The following ZNF813 variants were observed in gnomAD, a reference collection of about 807,000 sequenced individuals.
ZNF813 encodes the protein zinc finger protein 813.
Under a neutral mutation model 7.2 loss-of-function variants are expected in ZNF813, and 3 were observed. The ratio of observed to expected loss-of-function variants is 0.42; its 90% CI spans 0.19 to 1.08. The LOEUF (loss-of-function observed/expected upper bound fraction) is 1.08, where lower values mean the gene tolerates loss of function less well. ZNF813 is among the 50% of genes least tolerant of loss of function. The pLI is 0.30. For synonymous variants in ZNF813, 227 were observed against 256.3 expected (o/e 0.89, Z 1.09); for missense variants, 714 against 753.3 (o/e 0.95, Z 0.61).
chr19:53,468,802 T>G (rs2086341324), intron 1 of ZNF813, among the ~76,000 whole-genome samples: 3 of 150,026 alleles, frequency 2.0e-5, no homozygotes, highest in Admixed American at 6.6e-5. Flanking sequence ...GCTTTACACC[T>G]AGACATTCCA....
chr19:53,483,817 T>C lies in ZNF813; in HGVS notation c.-6T>C, dbSNP rs745842296. 2.5e-6 allele frequency: 4 copies of C among 1,613,146 alleles called. No homozygotes were observed. Among genetic ancestry groups the C allele is most frequent in the Middle Eastern group, 3.3e-4 (2 of 6,060 alleles). ...GAAGAGGAAGAGGAAAGCAAAGGAG[T>C]CAGGGATGGCTCTTCCTCAGGTGAG... is the stretch of plus-strand genomic sequence containing the variant. On this transcript the variant is annotated 5_prime_UTR_variant, in exon 2 of 4. Transcript: ENST00000396403.
chr19:53,472,916 T>TA (rs1322911147), intron 1 of ZNF813, among the ~76,000 whole-genome samples: 1 of 152,150 alleles, frequency 6.6e-6, no homozygotes, highest in Non-Finnish European at 1.5e-5. Context: ...CTGGCCTTTA[T>TA]AAGTACAAGT....
Position 53,495,838 on chromosome 19 carries a change from T to C in ZNF813, c.*3752T>C, listed in dbSNP as rs144172775. The C allele has an allele frequency of 1.2e-5, 2 of 172,480 alleles. No individual in the cohort carries two copies. Among genetic ancestry groups the C allele is most frequent in the Non-Finnish European group, 2.5e-5 (2 of 78,624 alleles). 10.7% of individuals were successfully genotyped at this position (172,480 alleles called of 1,614,324 possible). The stretch of plus-strand genomic sequence containing the variant: ...AAAATAAAATATGTCAAGCCCCTTC[T>C]CTTCCTGTCTCCTCTCGTGGTGTGT... On this transcript the variant is annotated 3_prime_UTR_variant, in exon 4 of 4. Transcript: ENST00000396403.
chr19:53,481,015 T>C (rs2086405709), intron 1 of ZNF813, among the ~76,000 whole-genome samples: 1 of 152,084 alleles, frequency 6.6e-6, no homozygotes, highest in African/African-American at 2.4e-5. Context: ...AAGCAGGTGG[T>C]GAGGATGTGG....
intron 2 of ZNF813, among the ~76,000 whole-genome samples, chr19:53,484,779 T>C (rs970918659): frequency 2.1e-4 from 32 of 152,234 alleles, no homozygotes; most frequent in Non-Finnish European, 4.4e-5. Flanking sequence ...TTGGCCAGGC[T>C]GGTCTCAAAC....
chr19:53,485,712 ATTTTC>A (rs1190486558), intron 2 of ZNF813, among the ~76,000 whole-genome samples: 1 of 151,878 alleles, frequency 6.6e-6, no homozygotes, highest in Non-Finnish European at 1.5e-5. Context: ...GTTTTCATGT[ATTTTC>A]TTTTATTTTA....
intron 1 of ZNF813, among the ~76,000 whole-genome samples, chr19:53,476,947 C>G (rs1353376643): frequency 6.6e-6 from 1 of 152,238 alleles, no homozygotes; most frequent in South Asian, 2.1e-4. Flanking sequence ...CAGGCATAAG[C>G]CACCGCGCCT....
In ZNF813 at chr19:53,474,579, C is replaced by A. The variant is rs150301273; in HGVS notation, c.-74+6790C>A. Reference sequence around the variant, plus strand: ...TGGCAGGTGCCTGTAATACCAGCTACTGGGGAGGCTGAGGCAGAAGAAACA... The same window carrying A: ...TGGCAGGTGCCTGTAATACCAGCTAATGGGGAGGCTGAGGCAGAAGAAACA... On this transcript the variant is annotated intron_variant, in intron 1 of 3. Coordinates refer to ENST00000396403, the MANE Select transcript of ZNF813 (RefSeq NM_001004301.4). 4.6e-3 allele frequency among the ~76,000 whole-genome samples: 706 copies of A among 152,156 alleles called. 7 individuals are homozygous for A. Among genetic ancestry groups the A allele is most frequent in the African/African-American group, 0.016 (644 of 41,488 alleles).
chr19:53,482,491 T>C (rs1182936096), intron 1 of ZNF813, among the ~76,000 whole-genome samples: 2 of 152,136 alleles, frequency 1.3e-5, no homozygotes, highest in East Asian at 1.9e-4. Context: ...TTTTCTCTTT[T>C]CCCAAACATC....
At chr19:53,474,819 C>T (rs1325271771) in intron 1 of ZNF813, among the ~76,000 whole-genome samples, 2 of 152,140 alleles carry the variant, frequency 1.3e-5, no homozygotes, top group Non-Finnish European at 2.9e-5. Flanking sequence ...TATCAAAGAA[C>T]TTCTACTACC....
chr19:53,488,260 T>C, intron 3 of ZNF813: 1 of 455,626 alleles, frequency 2.2e-6, no homozygotes, highest in Non-Finnish European at 4.4e-6. Context: ...TGCCCTCAGG[T>C]GATCCATCAA....
At chr19:53,478,726 C>T (rs1488094053) in intron 1 of ZNF813, among the ~76,000 whole-genome samples, 2 of 151,844 alleles carry the variant, frequency 1.3e-5, no homozygotes, top group African/African-American at 2.4e-5. Flanking sequence ...TGCAATGAGC[C>T]GAAATTGTGC....
intron 1 of ZNF813, among the ~76,000 whole-genome samples, chr19:53,483,362 G>A (rs1490872558): frequency 1.3e-5 from 2 of 151,730 alleles, no homozygotes; most frequent in East Asian, 3.9e-4. Context: ...CTAAGTTTTT[G>A]TATTTTTGGT....
Position 53,490,477 on chromosome 19 carries a change from C to CT in ZNF813, c.246dup (p.Gly83TrpfsTer9). 6.2e-7 allele frequency: 1 copy of CT among 1,614,138 alleles called. No homozygotes were observed. The highest frequency in any genetic ancestry group is 8.5e-7 in the Non-Finnish European group (1 of 1,180,018). ...TTGCAAAGACATGAAAGTCATCACACTGGAGACTTTCGCTTTCAGGAAATT... is the reference window on the plus strand; with the variant it reads ...TTGCAAAGACATGAAAGTCATCACACTTGGAGACTTTCGCTTTCAGGAAATT... On this transcript the variant is annotated frameshift_variant, in exon 4 of 4. Coordinates refer to ENST00000396403, the MANE Select transcript of ZNF813 (RefSeq NM_001004301.4). LOFTEE classifies it low-confidence loss of function (END_TRUNC).
At chr19:53,478,891 CTT>C (rs202191313) in intron 1 of ZNF813, among the ~76,000 whole-genome samples, 15 of 136,690 alleles carry the variant, frequency 1.1e-4, no homozygotes, top group South Asian at 4.7e-4. Context: ...CTCTTCATTG[CTT>C]TTTTTTTTTT....
chr19:53,470,080 T>A (rs1339706896), intron 1 of ZNF813, among the ~76,000 whole-genome samples: 1 of 152,166 alleles, frequency 6.6e-6, no homozygotes, highest in Non-Finnish European at 1.5e-5. Context: ...TGGCCTTGCA[T>A]AGCTGGTGGT....
chr19:53,471,396 T>C (rs2086358313), intron 1 of ZNF813, among the ~76,000 whole-genome samples: 1 of 152,068 alleles, frequency 6.6e-6, no homozygotes, highest in African/African-American at 2.4e-5. Context: ...GCCACAAAGT[T>C]TTCTTTAGTG....
chr19:53,492,750 C>T lies in ZNF813; in HGVS notation c.*664C>T. On this transcript the variant is annotated 3_prime_UTR_variant, in exon 4 of 4. Transcript: ENST00000396403. ...GCAAATTTTTCAGACATCGTCCATA[C>T]CTTGCAGTTCATTGGCGAACTCATA... The T allele has an allele frequency of 6.4e-6, 4 of 623,130 alleles. No homozygotes were observed. The highest frequency in any genetic ancestry group is 1.1e-5 in the Non-Finnish European group (4 of 353,054). 38.6% of individuals were successfully genotyped at this position (623,130 alleles called of 1,614,324 possible).
intron 1 of ZNF813, among the ~76,000 whole-genome samples, chr19:53,472,114 T>C (rs900725435): frequency 7.9e-5 from 12 of 152,160 alleles, no homozygotes; most frequent in Non-Finnish European, 1.6e-4. Context: ...GGTAGGTTTC[T>C]GGGTAGGTGT....
Sources: allele counts gnomAD v4.1 joint callset (sites outside exome capture counted in the v4.1 genomes callset), GRCh38; gene constraint gnomAD v4.1.1; transcripts MANE v1.5; gene names NCBI Gene and HGNC (gene_info 2026-07-23, HGNC 2026-07-21).